Variants in MMP26 observed in about 807,000 individuals in gnomAD.
MMP26 encodes the protein matrix metalloproteinase-26.
Under a neutral mutation model 31.0 loss-of-function variants are expected in MMP26, and 33 were observed. The observed-to-expected ratio is 1.06, with a 90% confidence interval of 0.81 to 1.42. MMP26 has a LOEUF of 1.42. Among genes scored for constraint, MMP26 ranks in the 40% most tolerant of loss-of-function variants. The pLI is 0.00. For missense variants in MMP26, 347 were observed against 316.1 expected (o/e 1.10, Z -0.74); for synonymous variants, 122 against 114.9 (o/e 1.06, Z -0.40).
At position 4,907,349 on chromosome 11, in the gene MMP26, C is replaced by T. The variant is rs112146430; in HGVS notation, c.-144-80719C>T. 1,194 of 1,502,410 alleles carry T rather than the reference C, an allele frequency of 7.9e-4. 5 individuals carry two copies. The African/African-American group carries it at 0.013, about 16-fold the overall frequency. The allele number at this position is 1,502,410 out of a possible 1,614,324, so 93.1% of individuals were successfully genotyped here. Reference sequence around the variant, plus strand: ...TTTATATGGTTTCAGATCCGGCTAACGAGCTCATATCTCCCTCATTATGTC... The same window carrying T: ...TTTATATGGTTTCAGATCCGGCTAATGAGCTCATATCTCCCTCATTATGTC... On this transcript the variant is annotated intron_variant, in intron 2 of 7. Coordinates refer to ENST00000380390, the MANE Select transcript of MMP26 (RefSeq NM_021801.5).
chr11:4,915,132 C>A, intron 2 of MMP26: 1 of 1,614,026 alleles, frequency 6.2e-7, no homozygotes, highest in Non-Finnish European at 8.5e-7. Flanking sequence ...TGTGAGAGAA[C>A]TGGGGAGCCA....
At chr11:4,733,503 GC>G (rs1848199876) in intron 1 of MMP26, among the ~76,000 whole-genome samples, 1 of 151,844 alleles carries the variant, frequency 6.6e-6, no homozygotes, top group Non-Finnish European at 1.5e-5. Context: ...AAATACAATT[GC>G]TTTTTTTATT....
intron 2 of MMP26, among the ~76,000 whole-genome samples, chr11:4,783,690 A>G (rs2133435277): frequency 6.6e-6 from 1 of 152,236 alleles, no homozygotes; most frequent in Middle Eastern, 3.4e-3. Flanking sequence ...TATCTCCCAT[A>G]ATTTCCATGT....
At chr11:4,882,517 C>A in intron 2 of MMP26, 1 of 1,613,924 alleles carries the variant, frequency 6.2e-7, no homozygotes, top group Non-Finnish European at 8.5e-7. Context: ...TTCTTCAGCT[C>A]TACCTGAATG....
At position 4,838,272 on chromosome 11, in the gene MMP26, C is replaced by G. The variant is rs538972732; in HGVS notation, c.-145+70931C>G. On this transcript the variant is annotated intron_variant, in intron 2 of 7. Transcript: ENST00000380390. ...GGCAGAACTTGCAGTGAGCCGAGAT[C>G]TCGCCATTGTGCTCCAGCCAGGGCA... 8.0e-3 allele frequency among the ~76,000 whole-genome samples: 972 copies of G among 122,002 alleles called. 8 individuals carry two copies. The highest frequency in any genetic ancestry group is 0.029 in the African/African-American group (945 of 32,556). 80.0% of individuals were successfully genotyped at this position (122,002 alleles called of 152,430 possible). A position where few individuals can be genotyped will look rare whatever the true frequency, so the allele number is the denominator to read the frequency against.
chr11:4,743,062 A>G (rs1327333766), intron 1 of MMP26, among the ~76,000 whole-genome samples: 1 of 152,122 alleles, frequency 6.6e-6, no homozygotes, highest in Non-Finnish European at 1.5e-5. Flanking sequence ...TGGTGGTGAA[A>G]ATTAGTGGAA....
intron 2 of MMP26, among the ~76,000 whole-genome samples, chr11:4,975,144 C>T (rs577981417): frequency 2.6e-5 from 4 of 152,020 alleles, no homozygotes; most frequent in African/African-American, 7.2e-5. Flanking sequence ...ATGCCTAGGA[C>T]GTTCTGGATT....
intron 2 of MMP26, chr11:4,913,102 C>T (rs950749369): frequency 2.6e-5 from 4 of 152,146 alleles, no homozygotes; most frequent in Non-Finnish European, 2.9e-5. Context: ...CCCATTCCTT[C>T]GGGGTCTGTG....
At chr11:4,885,867 T>C (rs565578983) in intron 2 of MMP26, among the ~76,000 whole-genome samples, 25 of 152,206 alleles carry the variant, frequency 1.6e-4, no homozygotes, top group Admixed American at 1.4e-3. Context: ...AATAGGCCTG[T>C]TGCCATTCCT....
chr11:4,761,892 T>C (rs576941126), intron 1 of MMP26, among the ~76,000 whole-genome samples: 63 of 152,174 alleles, frequency 4.1e-4, no homozygotes, highest in African/African-American at 1.4e-3. Context: ...CAAGCTGCAA[T>C]ATAGAATGAT....
chr11:4,868,798 C>A (rs182970431), intron 2 of MMP26, among the ~76,000 whole-genome samples: 1 of 152,158 alleles, frequency 6.6e-6, no homozygotes, highest in African/African-American at 2.4e-5. Flanking sequence ...GGAGGCATCA[C>A]GCTACCTGAC....
intron 1 of MMP26, chr11:4,752,604 G>T (rs949064091): frequency 6.6e-6 from 1 of 152,198 alleles, no homozygotes; most frequent in Non-Finnish European, 1.5e-5. Flanking sequence ...GTTAGAAATG[G>T]CCACAAAATG....
intron 1 of MMP26, among the ~76,000 whole-genome samples, chr11:4,763,504 CTAAT>C (rs1359844781): frequency 3.3e-5 from 5 of 152,042 alleles, no homozygotes; most frequent in Non-Finnish European, 5.9e-5. Context: ...ATAAAAGAAA[CTAAT>C]TAATTTGGTT....
chr11:4,825,722 A>G (rs1471116409), intron 2 of MMP26, among the ~76,000 whole-genome samples: 1 of 152,130 alleles, frequency 6.6e-6, no homozygotes, highest in East Asian at 1.9e-4. Context: ...AATTTCAAGG[A>G]TTATTGTCAG....
At chr11:4,876,566 C>T (rs1431608991) in intron 2 of MMP26, 1 of 152,240 alleles carries the variant, frequency 6.6e-6, no homozygotes, top group African/African-American at 2.4e-5. Context: ...CATGTCACCA[C>T]TCAACCAAAC....
In MMP26 at chr11:4,810,251, G is replaced by A. The variant is rs141862673; in HGVS notation, c.-145+42910G>A. 4.6e-3 allele frequency among the ~76,000 whole-genome samples: 696 copies of A among 151,630 alleles called. 6 individuals are homozygous for A. Among genetic ancestry groups the A allele is most frequent in the African/African-American group, 0.015 (619 of 41,410 alleles). On this transcript the variant is annotated intron_variant, in intron 2 of 7. Coordinates refer to ENST00000380390, the MANE Select transcript of MMP26 (RefSeq NM_021801.5). ...TATGCATGTATTTTTTTTTTTAGTC[G>A]GAGTACATATATTTATAATTCAGGG...
chr11:4,977,001 T>A (rs1281711488), intron 2 of MMP26, among the ~76,000 whole-genome samples: 1 of 152,076 alleles, frequency 6.6e-6, no homozygotes, highest in Non-Finnish European at 1.5e-5. Context: ...TGCTCATGTT[T>A]AAGAGCACCT....
In MMP26 at chr11:4,838,434, T is replaced by C. The variant is rs1277001015; in HGVS notation, c.-145+71093T>C. 2.7e-5 allele frequency among the ~76,000 whole-genome samples: 4 copies of C among 149,012 alleles called. No homozygotes were observed. The East Asian group carries it at 8.0e-4, about 30-fold the overall frequency. On this transcript the variant is annotated intron_variant, in intron 2 of 7. Transcript: ENST00000380390. ...GTAAACTTTTAACATGTAAATCCTT[T>C]AAAGCCAGCAATCGTGACCTGGAGA...
chr11:4,748,919 A>G (rs1009713585), intron 1 of MMP26, among the ~76,000 whole-genome samples: 2 of 152,138 alleles, frequency 1.3e-5, no homozygotes, highest in African/African-American at 4.8e-5. Flanking sequence ...CTTTTATTCA[A>G]AATAGTACTG....
Sources: gnomAD v4.1 joint callset for allele counts (sites outside exome capture counted in the v4.1 genomes callset) on GRCh38, gnomAD v4.1.1 for gene constraint, MANE v1.5 for transcripts, NCBI Gene and HGNC (gene_info 2026-07-23, HGNC 2026-07-21) for gene names.